The following SPOCD1 variants were observed in gnomAD, a reference collection of about 807,000 sequenced individuals.
SPOCD1 encodes SPOC domain containing 1.
A neutral mutation model predicts 92.2 loss-of-function variants in SPOCD1; 64 were observed. That is an observed-to-expected ratio of 0.69 (90% CI 0.57 to 0.86). The LOEUF (loss-of-function observed/expected upper bound fraction) is 0.86, where lower values mean the gene tolerates loss of function less well. Ranked by LOEUF, SPOCD1 falls within the 40% of genes least tolerant of loss-of-function variation. SPOCD1 has a pLI of 0.00. For synonymous variants in SPOCD1, 578 were observed against 619.3 expected (o/e 0.93, Z 0.99); for missense variants, 1,360 against 1,543.1 (o/e 0.88, Z 1.99).
Position 31,799,718 on chromosome 1 carries a change from A to G in SPOCD1, c.1783+91T>C, listed in dbSNP as rs1648299764. The G allele has an allele frequency of 1.8e-5, 26 of 1,476,078 alleles. No individual in the cohort carries two copies. The South Asian group carries it at 2.9e-4, about 16-fold the overall frequency. The allele number at this position is 1,476,078 out of a possible 1,614,324, so 91.4% of individuals were successfully genotyped here. A position where few individuals can be genotyped will look rare whatever the true frequency, so the allele number is the denominator to read the frequency against. On this transcript the variant is annotated intron_variant, in intron 6 of 15. Coordinates refer to ENST00000360482, the MANE Select transcript of SPOCD1 (RefSeq NM_144569.7). ...TGGGATGTGGGGAGAGAAGAATCAT[A>G]GCAGGGGCTGGGCCCAGGAGCTGGG... is the stretch of plus-strand genomic sequence containing the variant.
chr1:31,793,421 G>A lies in SPOCD1; in HGVS notation c.2542C>T (p.Pro848Ser). The change falls in exon 13 of 16, where the codon CCA (proline) becomes TCA (serine). Residue 848 changes from proline to serine, a missense_variant. Pro to Ser is a moderately conservative substitution (Grantham distance 74). Transcript: ENST00000360482. ...SPTEPQDRVP[P>S]SGLHVPAAPT... is the part of the protein sequence containing the mutation. ...GCAGCAGGCACATGGAGCCCAGATGGAGGGACCCTAGAGGGAGGGACAGAA... is the reference window on the plus strand; with the variant it reads ...GCAGCAGGCACATGGAGCCCAGATGAAGGGACCCTAGAGGGAGGGACAGAA... The A allele has an allele frequency of 6.3e-7, 1 of 1,589,808 alleles. No individual in the cohort carries two copies. The highest frequency in any genetic ancestry group is 8.6e-7 in the Non-Finnish European group (1 of 1,168,056).
At chr1:31,793,978 A>C in intron 11 of SPOCD1, 81 bp from the exon 12 acceptor site, 1 of 1,548,390 alleles carries the variant, frequency 6.5e-7, no homozygotes. Flanking sequence ...CCAGGGTTGA[A>C]CCAGGTTCTT....
rs747921757 is a variant in SPOCD1, at chr1:31,793,260, C to A, written c.2685+18G>T. ...GGTCAGTGTGTAAGGGAATCCCTGG[C>A]GAGGAGGGCAGGTGCACCTGGACAA... On this transcript the variant is annotated intron_variant, in intron 13 of 15. Coordinates refer to ENST00000360482, the MANE Select transcript of SPOCD1 (RefSeq NM_144569.7). 14 of 1,577,530 alleles carry A rather than the reference C, an allele frequency of 8.9e-6. No individual in the cohort carries two copies. The highest frequency in any genetic ancestry group is 1.2e-5 in the South Asian group (1 of 86,418).
Position 31,814,436 on chromosome 1 carries a change from G to A in SPOCD1, c.898C>T (p.Pro300Ser). 1.2e-6 allele frequency: 2 copies of A among 1,606,412 alleles called. No individual in the cohort carries two copies. Among genetic ancestry groups the A allele is most frequent in the South Asian group, 1.1e-5 (1 of 90,302 alleles). Residue 300 changes from proline (P) to serine (S), a missense_variant, in exon 2 of 16, where the codon CCC (proline) becomes TCC (serine). Physicochemically the swap from Pro to Ser is moderately conservative, Grantham distance 74. Transcript: ENST00000360482. This position sits in a 1 kb window ranked among gnomAD's most constrained non-coding sequence, Gnocchi z 4.2. The part of the protein sequence containing the change: ...ATGDGPQPGS[P>S]CGPVGFPVPS... ...ACTGGGAACCCGACAGGGCCACAGG[G>A]GCTGCCTGGCTGGGGCCCATCCCCT...
Position 31,790,750 on chromosome 1 carries a change from G to A in SPOCD1, c.3504C>T (p.Cys1168=), listed in dbSNP as rs1647523746. The change falls in exon 16 of 16, where the codon TGC becomes TGT. Residue 1168 remains cysteine, a synonymous_variant. Coordinates refer to ENST00000360482, the MANE Select transcript of SPOCD1 (RefSeq NM_144569.7). Reference sequence around the variant, plus strand: ...GGGGGATGGAGCTCTTGGTCTGGGGGCACAGTAAGGCTTGGAGCTGGTGAC... The same window carrying A: ...GGGGGATGGAGCTCTTGGTCTGGGGACACAGTAAGGCTTGGAGCTGGTGAC... ...TMSHQLQALL[C]PQTKSSIPRP... is the part of the protein sequence containing the mutation. The A allele has an allele frequency of 5.2e-6, 8 of 1,551,694 alleles. No individual in the cohort carries two copies. The highest frequency in any genetic ancestry group is 3.6e-5 in the South Asian group (3 of 84,070).
chr1:31,805,687 C>G (rs1438324493), intron 2 of SPOCD1, among the ~76,000 whole-genome samples: 1 of 152,096 alleles, frequency 6.6e-6, no homozygotes, highest in Non-Finnish European at 1.5e-5. Context: ...GATCACGCCA[C>G]TGCAGTCTAG....
rs1178533346 is a variant in SPOCD1 at position 31,800,360 on chromosome 1, C to CT, written c.1602+80dup. The CT allele has an allele frequency of 2.7e-6, 4 of 1,466,390 alleles. No individual in the cohort carries two copies. In the African/African-American group the frequency reaches 4.3e-5, roughly 16 times the overall value. The allele number at this position is 1,466,390 out of a possible 1,614,324, so 90.8% of individuals were successfully genotyped here. A position where few individuals can be genotyped will look rare whatever the true frequency, so the allele number is the denominator to read the frequency against. ...ACCGCGAGCAAGTGGCACCCTCTCT[C>CT]TGAGCCTCAGTGACATCTCTGTGAA... On this transcript the variant is annotated intron_variant, in intron 4 of 15. Coordinates refer to ENST00000360482, the MANE Select transcript of SPOCD1 (RefSeq NM_144569.7).
At chr1:31,796,288 G>A in intron 10 of SPOCD1, 1 of 465,312 alleles carries the variant, frequency 2.1e-6, no homozygotes, top group South Asian at 2.0e-5. Flanking sequence ...CAGAGATCTG[G>A]GCAGAATGCC....
chr1:31,801,536 A>C, intron 3 of SPOCD1, 128 bp downstream of exon 3: 1 of 753,160 alleles, frequency 1.3e-6, no homozygotes, highest in Non-Finnish European at 2.3e-6. Context: ...GGGGAGCACT[A>C]GGATCCACTG....
chr1:31,814,393 G>A lies in SPOCD1; in HGVS notation c.941C>T (p.Ser314Phe). The change falls in exon 2 of 16, where the codon TCC becomes TTC. Residue 314 changes from serine to phenylalanine, a missense_variant. Transcript: ENST00000360482. This position sits in a 1 kb window ranked among gnomAD's most constrained non-coding sequence, Gnocchi z 4.2. ...VGFPVPSGGE[S>F]LSSAAQAPPQ... Reference sequence around the variant, plus strand: ...AGGAGCCTGTGCAGCTGAACTGAGGGACTCCCCTCCACTGGGCACTGGGAA... The same window carrying A: ...AGGAGCCTGTGCAGCTGAACTGAGGAACTCCCCTCCACTGGGCACTGGGAA... The A allele has an allele frequency of 1.9e-6, 3 of 1,608,642 alleles. No individual in the cohort carries two copies. The highest frequency in any genetic ancestry group is 2.5e-6 in the Non-Finnish European group (3 of 1,177,392).
rs1212148714 is a variant in SPOCD1 at position 31,800,442 on chromosome 1, T to C, written c.1601A>G (p.Gln534Arg). Residue 534 changes from glutamine to arginine, a missense_variant and splice_region_variant, in exon 4 of 16, where the codon CAG (glutamine) becomes CGG (arginine). Coordinates refer to ENST00000360482, the MANE Select transcript of SPOCD1 (RefSeq NM_144569.7). ...RPMVQGPAGC[Q>R]VFQPSPSGGT... ...TAAATGACATCACTTGTTCTGTACC[T>C]GGCACCCAGCAGGGCCCTGCACCAT... 2 of 1,581,168 alleles carry C rather than the reference T, an allele frequency of 1.3e-6. No individual in the cohort carries two copies. The highest frequency in any genetic ancestry group is 1.7e-4 in the Middle Eastern group (1 of 6,014).
rs778097743 is a variant in SPOCD1 at position 31,798,377 on chromosome 1, C to T, written c.2029-54G>A. ...CACACGCTGAAAGAGCTCCCCCACC[C>T]TAGCATCCTGCAGGGGCTCTGAGAT... On this transcript the variant is annotated intron_variant, in intron 8 of 15. Transcript: ENST00000360482. This position sits in a 1 kb window ranked among gnomAD's most constrained non-coding sequence, Gnocchi z 4.1. 2.5e-6 allele frequency: 4 copies of T among 1,594,892 alleles called. No individual in the cohort carries two copies. The highest frequency in any genetic ancestry group is 2.6e-6 in the Non-Finnish European group (3 of 1,168,882).
chr1:31,802,644 G>A (rs1411012009), intron 2 of SPOCD1, among the ~76,000 whole-genome samples: 1 of 152,178 alleles, frequency 6.6e-6, no homozygotes, highest in Non-Finnish European at 1.5e-5. Flanking sequence ...GGTTATCTCT[G>A]GGGAATGAAA....
chr1:31,804,802 T>A (rs185881088), intron 2 of SPOCD1, among the ~76,000 whole-genome samples: 2,680 of 150,972 alleles, frequency 0.018, 88 homozygotes, highest in African/African-American at 0.062. Flanking sequence ...GGGGATTTTT[T>A]AAAAAAAAAG....
rs1570172233 is a variant in SPOCD1, at chr1:31,800,456, G to A, written c.1587C>T (p.Gly529=). 4 of 1,600,090 alleles carry A rather than the reference G, an allele frequency of 2.5e-6. No homozygotes were observed. In the South Asian group the frequency reaches 4.5e-5, roughly 18 times the overall value. Residue 529 remains glycine, a synonymous_variant, in exon 4 of 16, where the codon GGC becomes GGT. Transcript: ENST00000360482. ...LRRKKRPMVQ[G]PAGCQVFQPS... is the part of the protein sequence containing the mutation. ...TGTTCTGTACCTGGCACCCAGCAGG[G>A]CCCTGCACCATGGGCCTTTTCTTCC... is the stretch of plus-strand genomic sequence containing the variant.
Position 31,798,613 on chromosome 1 carries a change from A to G in SPOCD1, c.1869-12T>C. Reference sequence around the variant, plus strand: ...GGAGCTCCCGAAGGCTGTGGAGGCCAGGGCAGGGCGGGGGCACTGAGCCCA... The same window carrying G: ...GGAGCTCCCGAAGGCTGTGGAGGCCGGGGCAGGGCGGGGGCACTGAGCCCA... On this transcript the variant is annotated splice_polypyrimidine_tract_variant and intron_variant, in intron 7 of 15. Coordinates refer to ENST00000360482, the MANE Select transcript of SPOCD1 (RefSeq NM_144569.7). The surrounding 1 kb of genome is among the most constrained non-coding windows in gnomAD (Gnocchi z 4.1). The G allele has an allele frequency of 6.2e-7, 1 of 1,610,854 alleles. No homozygotes were observed. Among genetic ancestry groups the G allele is most frequent in the Non-Finnish European group, 8.5e-7 (1 of 1,179,026 alleles).
chr1:31,813,521 C>G (rs1649338898), intron 2 of SPOCD1, among the ~76,000 whole-genome samples: 1 of 152,222 alleles, frequency 6.6e-6, no homozygotes, highest in Non-Finnish European at 1.5e-5. Flanking sequence ...CCTCTGCCTC[C>G]CAAAGTGCTG....
chr1:31,798,772 T>C lies in SPOCD1; in HGVS notation c.1869-171A>G. ...TCACCCCAACTCCGTGAGGAGGAAATAGGATCATTCTCCTTTTATGGATGG... is the reference window on the plus strand; with the variant it reads ...TCACCCCAACTCCGTGAGGAGGAAACAGGATCATTCTCCTTTTATGGATGG... On this transcript the variant is annotated intron_variant, in intron 7 of 15. Coordinates refer to ENST00000360482, the MANE Select transcript of SPOCD1 (RefSeq NM_144569.7). The surrounding 1 kb of genome is among the most constrained non-coding windows in gnomAD (Gnocchi z 4.1). 1.5e-6 allele frequency: 1 copy of C among 666,092 alleles called. No individual in the cohort carries two copies. The highest frequency in any genetic ancestry group is 2.5e-6 in the Non-Finnish European group (1 of 395,030). The allele number at this position is 666,092 out of a possible 1,614,324, so 41.3% of individuals were successfully genotyped here.
chr1:31,796,415 A>G lies in SPOCD1; in HGVS notation c.2271+175T>C, dbSNP rs75448731. On this transcript the variant is annotated intron_variant, in intron 10 of 15. Transcript: ENST00000360482. ...GCGCTGGCAGGCCTGTGCCAGCAGCACTGTCCCACCCCATGTTCCCCTATG... is the reference window on the plus strand; with the variant it reads ...GCGCTGGCAGGCCTGTGCCAGCAGCGCTGTCCCACCCCATGTTCCCCTATG... 4,377 of 1,011,116 alleles carry G rather than the reference A, an allele frequency of 4.3e-3. 184 individuals are homozygous for G. In the East Asian group the frequency reaches 0.082, roughly 19 times the overall value. 62.6% of individuals were successfully genotyped at this position (1,011,116 alleles called of 1,614,324 possible). A position where few individuals can be genotyped will look rare whatever the true frequency, so the allele number is the denominator to read the frequency against.
Sources: allele counts gnomAD v4.1 joint callset (sites outside exome capture counted in the v4.1 genomes callset), GRCh38; gene constraint gnomAD v4.1.1; non-coding constraint Gnocchi (gnomAD v3.1); transcripts MANE v1.5; gene names NCBI Gene and HGNC (gene_info 2026-07-23, HGNC 2026-07-21).